Variants in IL13RA1 observed in about 807,000 individuals in gnomAD.
The protein encoded by IL13RA1 is interleukin-13 receptor subunit alpha-1.
Under a neutral mutation model 33.8 loss-of-function variants are expected in IL13RA1, and 14 were observed. The ratio of observed to expected loss-of-function variants is 0.41; its 90% CI spans 0.27 to 0.65. The LOEUF is 0.65. Ranked by LOEUF, IL13RA1 falls within the 30% of genes least tolerant of loss-of-function variation. The pLI is 0.28. For missense variants in IL13RA1, 313 were observed against 327.0 expected (o/e 0.96, Z 0.33); for synonymous variants, 116 against 115.7 (o/e 1.00, Z -0.02).
At chrX:118,763,044 G>C (rs1404247341) in intron 6 of IL13RA1, among the ~76,000 whole-genome samples, 6 of 111,485 alleles carry the variant, frequency 5.4e-5, no homozygotes, top group Non-Finnish European at 1.1e-4. Context: ...TGGGAGGAGG[G>C]AGAGCATCAG....
intron 6 of IL13RA1, among the ~76,000 whole-genome samples, chrX:118,765,673 A>G (rs2489875): frequency 0.17 from 18,688 of 111,398 alleles, 1,435 homozygotes; most frequent in East Asian, 0.41. Context: ...GCATTTATAT[A>G]GGCATATGTG....
rs768070839 is a variant in IL13RA1, at chrX:118,758,136, C to T, written c.570C>T (p.Thr190=). 8.7e-7 allele frequency: 1 copy of T among 1,148,649 alleles called. No individual in the cohort carries two copies. The highest frequency in any genetic ancestry group is 3.0e-5 in the East Asian group (1 of 33,336). The allele number at this position is 1,148,649 out of a possible 1,213,427, so 94.7% of individuals were successfully genotyped here. Residue 190 remains threonine (T), a synonymous_variant, in exon 5 of 11, where the codon ACC becomes ACT. Coordinates refer to ENST00000371666, the MANE Select transcript of IL13RA1 (RefSeq NM_001560.3). ...GQYFGCSFDL[T]KVKDSSFEQH... The stretch of plus-strand genomic sequence containing the variant: ...ACTTTGGTTGTTCCTTTGATCTGAC[C>T]AAAGTGAAGGATTCCAGTTTTGAAC...
At chrX:118,757,399 G>A (rs1373314608) in intron 4 of IL13RA1, among the ~76,000 whole-genome samples, 1 of 107,980 alleles carries the variant, frequency 9.3e-6, no homozygotes, top group East Asian at 2.9e-4. Context: ...GCGTAGTAGT[G>A]TGTGCCTGTA....
chrX:118,729,813 G>T (rs928764977), intron 1 of IL13RA1, among the ~76,000 whole-genome samples: 8 of 111,824 alleles, frequency 7.2e-5, no homozygotes, highest in Non-Finnish European at 7.5e-5. Context: ...GCCCAAATTC[G>T]CATACCTGGC....
chrX:118,800,426 G>A, the IL13RA1 span, among the ~76,000 whole-genome samples: 3 of 110,515 alleles, frequency 2.7e-5, no homozygotes, highest in Non-Finnish European at 5.7e-5. Context: ...CGGGAGGAAC[G>A]AAGAACTCCA....
At chrX:118,748,005 T>TTGTGTGTGTGTG (rs61230421) in intron 3 of IL13RA1, among the ~76,000 whole-genome samples, 2,299 of 88,828 alleles carry the variant, frequency 0.026, 40 homozygotes, top group Non-Finnish European at 0.041. Flanking sequence ...AGAGTGAATG[T>TTGTGTGTGTGTG]TGTGTGTGTG....
intron 10 of IL13RA1, among the ~76,000 whole-genome samples, chrX:118,783,299 G>C (rs113665234): frequency 7.4e-4 from 83 of 111,511 alleles, no homozygotes; most frequent in African/African-American, 2.4e-3. Flanking sequence ...TTTCATCTTT[G>C]GCCATTACTC....
chrX:118,798,649 T>A (rs1308907224), downstream of IL13RA1, among the ~76,000 whole-genome samples: 1 of 112,402 alleles, frequency 8.9e-6, no homozygotes, highest in African/African-American at 3.2e-5. Context: ...TCCCCCTTCT[T>A]GGATTATGCC....
At chrX:118,734,353 CA>C (rs1213830186) in intron 1 of IL13RA1, among the ~76,000 whole-genome samples, 2 of 111,628 alleles carry the variant, frequency 1.8e-5, no homozygotes, top group Non-Finnish European at 3.8e-5. Flanking sequence ...GGTAGAACTT[CA>C]AGTACTATGT....
At chrX:118,770,750 T>C in intron 8 of IL13RA1, 1 of 351,784 alleles carries the variant, frequency 2.8e-6, no homozygotes, top group South Asian at 2.7e-5. Flanking sequence ...TTCCTGTGCA[T>C]CGCCTATGTG....
intron 4 of IL13RA1, among the ~76,000 whole-genome samples, chrX:118,755,215 C>T (rs1192918984): frequency 4.5e-5 from 5 of 110,678 alleles, no homozygotes; most frequent in Non-Finnish European, 9.4e-5. Context: ...TCCTAAAGTG[C>T]TGGGATTACA....
rs774694403 is a variant in IL13RA1 at position 118,731,463 on chromosome X, A to G, written c.88+3737A>G. 1.4e-4 allele frequency among the ~76,000 whole-genome samples: 15 copies of G among 109,807 alleles called. No homozygotes were observed. The South Asian group carries it at 5.5e-3, about 40-fold the overall frequency. Reference sequence around the variant, plus strand: ...GTGGCAGTGCACACCTGTAATCCCAACTACTCGGAAGGCTGAGGCAGGAGA... The same window carrying G: ...GTGGCAGTGCACACCTGTAATCCCAGCTACTCGGAAGGCTGAGGCAGGAGA... On this transcript the variant is annotated intron_variant, in intron 1 of 10. Transcript: ENST00000371666.
At chrX:118,782,111 C>T (rs1241994594) in intron 10 of IL13RA1, among the ~76,000 whole-genome samples, 1 of 110,875 alleles carries the variant, frequency 9.0e-6, no homozygotes, top group African/African-American at 3.3e-5. Context: ...CTTGCTCTGT[C>T]ACCGAGGCTG....
intron 1 of IL13RA1, among the ~76,000 whole-genome samples, chrX:118,730,042 T>C (rs1041099285): frequency 1.8e-5 from 2 of 112,596 alleles, no homozygotes; most frequent in Non-Finnish European, 3.8e-5. Context: ...CAGTGGCTCA[T>C]GCCTGTAATC....
chrX:118,795,977 GA>G (rs2018028685), downstream of IL13RA1, among the ~76,000 whole-genome samples: 1 of 112,199 alleles, frequency 8.9e-6, no homozygotes, highest in Non-Finnish European at 1.9e-5. Flanking sequence ...TTAAGCAAGG[GA>G]GGAGTTTTAC....
intron 10 of IL13RA1, among the ~76,000 whole-genome samples, chrX:118,781,049 A>C (rs1269892509): frequency 1.8e-5 from 2 of 111,540 alleles, no homozygotes; most frequent in African/African-American, 6.5e-5. Flanking sequence ...GTTCATTACT[A>C]TAGTAATGTT....
chrX:118,794,707 AG>A (rs2018014909), downstream of IL13RA1, among the ~76,000 whole-genome samples: 1 of 111,802 alleles, frequency 8.9e-6, no homozygotes, highest in Non-Finnish European at 1.9e-5. Flanking sequence ...TTTTCTGATA[AG>A]GGCATAAATA....
chrX:118,784,165 A>G (rs1252123329), intron 10 of IL13RA1, among the ~76,000 whole-genome samples: 11 of 97,410 alleles, frequency 1.1e-4, no homozygotes, highest in African/African-American at 4.2e-4. Flanking sequence ...ACACATATAT[A>G]CGTATATATA....
chrX:118,751,511 G>A (rs1038451653), intron 4 of IL13RA1, among the ~76,000 whole-genome samples: 3 of 111,419 alleles, frequency 2.7e-5, no homozygotes, highest in Admixed American at 9.6e-5. Context: ...GGAGCTTGGG[G>A]TGGTGGTCGA....
Sources: allele counts gnomAD v4.1 joint callset (sites outside exome capture counted in the v4.1 genomes callset), GRCh38; gene constraint gnomAD v4.1.1; transcripts MANE v1.5; gene names NCBI Gene and HGNC (gene_info 2026-07-23, HGNC 2026-07-21).